Variants in PCDHGA10 observed in about 807,000 individuals in gnomAD.
PCDHGA10 encodes the protein protocadherin gamma-A10.
Under a neutral mutation model 59.5 loss-of-function variants are expected in PCDHGA10, and 42 were observed. That is an observed-to-expected ratio of 0.71 (90% CI 0.55 to 0.91). The LOEUF is 0.91. Among genes scored for constraint, PCDHGA10 ranks in the 40% least tolerant of loss-of-function variants. The pLI is 0.00. For missense variants in PCDHGA10, 1,111 were observed against 1,198.2 expected, an observed-to-expected ratio of 0.93 and a Z score of 1.07; for synonymous variants, 511 against 517.2, an observed-to-expected ratio of 0.99 and a Z score of 0.16.
Position 141,477,098 on chromosome 5 carries a change from G to A in PCDHGA10, c.2437-17709G>A, listed in dbSNP as rs1562059777. 1.9e-6 allele frequency: 3 copies of A among 1,614,124 alleles called. No individual in the cohort carries two copies. The highest frequency in any genetic ancestry group is 3.3e-5 in the Admixed American group (2 of 60,008). The stretch of plus-strand genomic sequence containing the variant: ...GATTTACATCCAGGCCAAAGACAAG[G>A]GCGCCAATCCCGAAGGAGCACATTG... On this transcript the variant is annotated intron_variant, in intron 1 of 3. Coordinates refer to ENST00000398610, the MANE Select transcript of PCDHGA10 (RefSeq NM_018913.3). This position sits in a 1 kb window ranked among gnomAD's most constrained non-coding sequence, Gnocchi z 4.9.
chr5:141,449,900 A>G (rs2098658617), intron 1 of PCDHGA10, among the ~76,000 whole-genome samples: 2 of 151,878 alleles, frequency 1.3e-5, no homozygotes, highest in South Asian at 2.1e-4. Context: ...TATTTAGCCT[A>G]TAGTCCATAT....
intron 1 of PCDHGA10, chr5:141,422,676 A>C (rs1245488589): frequency 6.2e-7 from 1 of 1,606,500 alleles, no homozygotes; most frequent in Admixed American, 1.7e-5. Flanking sequence ...CGGACAGCAA[A>C]CAGAATGCCC....
rs1425295626 is a variant in PCDHGA10 at position 141,477,940 on chromosome 5, C to T, written c.2437-16867C>T. On this transcript the variant is annotated intron_variant, in intron 1 of 3. Coordinates refer to ENST00000398610, the MANE Select transcript of PCDHGA10 (RefSeq NM_018913.3). This position sits in a 1 kb window ranked among gnomAD's most constrained non-coding sequence, Gnocchi z 4.9. ...CAGGGCACAATGCCTGGCTCTCCTA[C>T]AGTCTCTTGGGATCCCCTAACCAGA... The T allele has an allele frequency of 6.2e-7, 1 of 1,614,178 alleles. No homozygotes were observed. Among genetic ancestry groups the T allele is most frequent in the South Asian group, 1.1e-5 (1 of 91,084 alleles).
At position 141,432,651 on chromosome 5, in the gene PCDHGA10, C is replaced by A; in HGVS notation, c.2436+17040C>A. 2.5e-6 allele frequency: 4 copies of A among 1,613,824 alleles called. No individual in the cohort carries two copies. The highest frequency in any genetic ancestry group is 1.1e-5 in the South Asian group (1 of 91,058). ...ACGGGCGAGGTGCGCACGGCGCGAG[C>A]CCTGCTGGACAGAGACGCGCTCAAG... On this transcript the variant is annotated intron_variant, in intron 1 of 3. Coordinates refer to ENST00000398610, the MANE Select transcript of PCDHGA10 (RefSeq NM_018913.3). This position sits in a 1 kb window ranked among gnomAD's most constrained non-coding sequence, Gnocchi z 6.0.
In PCDHGA10 at chr5:141,476,780, C is replaced by T. The variant is rs201463036; in HGVS notation, c.2437-18027C>T. On this transcript the variant is annotated intron_variant, in intron 1 of 3. Transcript: ENST00000398610. This position sits in a 1 kb window ranked among gnomAD's most constrained non-coding sequence, Gnocchi z 7.6. ...GCTGACGGCGTTGGACGGAGGGACCCCAGCTCTCTCCGCCAGCCTGCCTAT... is the reference window on the plus strand; with the variant it reads ...GCTGACGGCGTTGGACGGAGGGACCTCAGCTCTCTCCGCCAGCCTGCCTAT... 234 of 1,613,464 alleles carry T rather than the reference C, an allele frequency of 1.5e-4. No individual in the cohort carries two copies. Among genetic ancestry groups the T allele is most frequent in the Non-Finnish European group, 1.9e-4 (227 of 1,180,026 alleles).
intron 1 of PCDHGA10, among the ~76,000 whole-genome samples, chr5:141,455,045 C>G (rs1008259013): frequency 6.6e-6 from 1 of 151,798 alleles, no homozygotes; most frequent in Non-Finnish European, 1.5e-5. Context: ...ATCTCCTGAC[C>G]TCGTGATCCG....
chr5:141,492,285 A>T (rs2099739112), intron 1 of PCDHGA10, among the ~76,000 whole-genome samples: 1 of 152,132 alleles, frequency 6.6e-6, no homozygotes, highest in African/African-American at 2.4e-5. Flanking sequence ...CGCCCCGCCA[A>T]CACGTGCGCG....
intron 1 of PCDHGA10, among the ~76,000 whole-genome samples, chr5:141,451,788 A>C (rs531473040): frequency 6.6e-6 from 1 of 152,140 alleles, no homozygotes; most frequent in African/African-American, 2.4e-5. Flanking sequence ...GGCTGAGGCC[A>C]GAGAATTGCT....
Position 141,511,502 on chromosome 5 carries a change from A to C in PCDHGA10, c.*329A>C. The C allele has an allele frequency of 2.0e-5, 8 of 395,260 alleles. No individual in the cohort carries two copies. The highest frequency in any genetic ancestry group is 4.1e-5 in the African/African-American group (2 of 48,892). The allele number at this position is 395,260 out of a possible 1,614,324, so 24.5% of individuals were successfully genotyped here. A position where few individuals can be genotyped will look rare whatever the true frequency, so the allele number is the denominator to read the frequency against. ...CTGAACTCCTCCATCTTCCAAATCA[A>C]TCAGGCCCATCCATCCCATGCCTCC... On this transcript the variant is annotated 3_prime_UTR_variant, in exon 4 of 4. Transcript: ENST00000398610.
chr5:141,487,798 G>A lies in PCDHGA10; in HGVS notation c.2437-7009G>A, dbSNP rs1197016007. 6.7e-7 allele frequency: 1 copy of A among 1,498,792 alleles called. No homozygotes were observed. Among genetic ancestry groups the A allele is most frequent in the South Asian group, 1.3e-5 (1 of 78,368 alleles). 92.8% of individuals were successfully genotyped at this position (1,498,792 alleles called of 1,614,324 possible). On this transcript the variant is annotated intron_variant, in intron 1 of 3. Coordinates refer to ENST00000398610, the MANE Select transcript of PCDHGA10 (RefSeq NM_018913.3). The surrounding 1 kb of genome is among the most constrained non-coding windows in gnomAD (Gnocchi z 5.0). ...ACTGTTTCGTGAATTAACCAGAGTT[G>A]TCACAGTTTAGCATTGGGGGCGGGT...
rs888457230 is a variant in PCDHGA10, at chr5:141,493,727, C to T, written c.2437-1080C>T. On this transcript the variant is annotated intron_variant, in intron 1 of 3. Transcript: ENST00000398610. This position sits in a 1 kb window ranked among gnomAD's most constrained non-coding sequence, Gnocchi z 4.3. ...TGGAATGCTAGGTTTCTGGGTTCTG[C>T]TCATATCACTGCCACCTGTGAGCCT... Among the ~76,000 whole-genome samples, 2 of 152,184 alleles carry T rather than the reference C, an allele frequency of 1.3e-5. No homozygotes were observed. Among genetic ancestry groups the T allele is most frequent in the Admixed American group, 6.5e-5 (1 of 15,280 alleles).
chr5:141,442,774 AT>A (rs2098342677), intron 1 of PCDHGA10, among the ~76,000 whole-genome samples: 1 of 152,188 alleles, frequency 6.6e-6, no homozygotes, highest in Non-Finnish European at 1.5e-5. Flanking sequence ...TATGTGTTTG[AT>A]TATATTTTAT....
chr5:141,511,351 C>G lies in PCDHGA10; in HGVS notation c.*178C>G, dbSNP rs1190324197. On this transcript the variant is annotated 3_prime_UTR_variant, in exon 4 of 4. Coordinates refer to ENST00000398610, the MANE Select transcript of PCDHGA10 (RefSeq NM_018913.3). The stretch of plus-strand genomic sequence containing the variant: ...CCAGTCAGCACCTACCCCTTCCCCC[C>G]CAGGGGGTTGAATATGCAAAAGCAG... 6 of 1,386,432 alleles carry G rather than the reference C, an allele frequency of 4.3e-6. No individual in the cohort carries two copies. The highest frequency in any genetic ancestry group is 2.9e-5 in the African/African-American group (2 of 68,574). The allele number at this position is 1,386,432 out of a possible 1,614,324, so 85.9% of individuals were successfully genotyped here.
chr5:141,489,077 C>G lies in PCDHGA10; in HGVS notation c.2437-5730C>G, dbSNP rs957205894. On this transcript the variant is annotated intron_variant, in intron 1 of 3. Coordinates refer to ENST00000398610, the MANE Select transcript of PCDHGA10 (RefSeq NM_018913.3). The surrounding 1 kb of genome is among the most constrained non-coding windows in gnomAD (Gnocchi z 4.5). The stretch of plus-strand genomic sequence containing the variant: ...AGCTCCCCTCCCCCCTGCCCACCCC[C>G]GCCACTCGGTGACTAAGAACTGCTG... 7 of 325,684 alleles carry G rather than the reference C, an allele frequency of 2.1e-5. No homozygotes were observed. Among genetic ancestry groups the G allele is most frequent in the Non-Finnish European group, 3.9e-5 (7 of 181,468 alleles). The allele number at this position is 325,684 out of a possible 1,614,324, so 20.2% of individuals were successfully genotyped here.
At chr5:141,478,449 C>A in intron 1 of PCDHGA10, 1 of 1,613,540 alleles carries the variant, frequency 6.2e-7, no homozygotes. Context: ...AAACCTGGTG[C>A]AGCCAGTCCA....
chr5:141,444,565 C>G (rs2098441175), intron 1 of PCDHGA10, among the ~76,000 whole-genome samples: 1 of 152,124 alleles, frequency 6.6e-6, no homozygotes, highest in Non-Finnish European at 1.5e-5. Flanking sequence ...TTATTTGACA[C>G]TTTTGACTCT....
At chr5:141,456,044 C>T (rs1307913066) in intron 1 of PCDHGA10, among the ~76,000 whole-genome samples, 2 of 151,826 alleles carry the variant, frequency 1.3e-5, no homozygotes, top group African/African-American at 2.4e-5. Context: ...ACTACAGGCG[C>T]CCACCACCAC....
At chr5:141,452,240 C>G (rs1365703172) in intron 1 of PCDHGA10, among the ~76,000 whole-genome samples, 1 of 152,084 alleles carries the variant, frequency 6.6e-6, no homozygotes, top group Non-Finnish European at 1.5e-5. Flanking sequence ...TTCTTGTGTC[C>G]TTTTGCCATA....
chr5:141,478,736 T>C (rs2099474016), intron 1 of PCDHGA10: 1 of 1,534,678 alleles, frequency 6.5e-7, no homozygotes, highest in African/African-American at 1.4e-5. Flanking sequence ...GTGTGGTTTG[T>C]GGTCCCATTT....
Sources: gnomAD v4.1 joint callset for allele counts (sites outside exome capture counted in the v4.1 genomes callset) on GRCh38, gnomAD v4.1.1 for gene constraint, Gnocchi (gnomAD v3.1) non-coding constraint, MANE v1.5 for transcripts, NCBI Gene and HGNC (gene_info 2026-07-23, HGNC 2026-07-21) for gene names.